TEAD4: variants seen among roughly 807,000 people sequenced by gnomAD.
TEAD4 encodes transcriptional enhancer factor TEF-3.
A neutral mutation model predicts 52.4 loss-of-function variants in TEAD4; 36 were observed. The observed-to-expected ratio is 0.69, with a 90% CI of 0.53 to 0.91. The LOEUF (loss-of-function observed/expected upper bound fraction) is 0.91. Ranked by LOEUF, TEAD4 falls within the 40% of genes least tolerant of loss-of-function variation. The probability of loss-of-function intolerance (pLI) is 0.00; values close to 1 mark genes in which losing one functional copy is unlikely to be tolerated. For missense variants in TEAD4, 508 were observed against 583.9 expected, an observed-to-expected ratio of 0.87 and a Z score of 1.34; for synonymous variants, 220 against 231.0, an observed-to-expected ratio of 0.95 and a Z score of 0.43.
chr12:2,968,377 C>T (rs756751802), intron 2 of TEAD4, among the ~76,000 whole-genome samples: 22 of 140,586 alleles, frequency 1.6e-4, no homozygotes, highest in Non-Finnish European at 3.1e-4. Context: ...TGAGCCACCG[C>T]GCCCGGCCTT....
chr12:3,013,477 G>A (rs2098262026), intron 5 of TEAD4, among the ~76,000 whole-genome samples: 1 of 152,052 alleles, frequency 6.6e-6, no homozygotes, highest in South Asian at 2.1e-4. Context: ...GGTGGCTCAC[G>A]CCTGTAAGCA....
chr12:2,962,666 C>T (rs1046980524), intron 2 of TEAD4, among the ~76,000 whole-genome samples: 11 of 151,936 alleles, frequency 7.2e-5, no homozygotes, highest in South Asian at 2.1e-4. Flanking sequence ...GGCGGGATTT[C>T]GCCATGTTTG....
chr12:3,033,644 G>A (rs767656278), intron 10 of TEAD4, among the ~76,000 whole-genome samples: 8 of 152,174 alleles, frequency 5.3e-5, no homozygotes, highest in African/African-American at 1.7e-4. Flanking sequence ...CCCCACACCC[G>A]GGCTGCGGCT....
chr12:2,960,518 C>G (rs910414776), intron 2 of TEAD4, among the ~76,000 whole-genome samples: 1 of 152,204 alleles, frequency 6.6e-6, no homozygotes, highest in South Asian at 2.1e-4. Context: ...ACATTTCCCC[C>G]GTTGTGCTGA....
intron 5 of TEAD4, among the ~76,000 whole-genome samples, chr12:3,013,312 C>T (rs1333406309): frequency 6.8e-6 from 1 of 147,952 alleles, no homozygotes; most frequent in African/African-American, 2.5e-5. Flanking sequence ...CTTCCCCCAA[C>T]AAAATATCAC....
chr12:2,983,805 C>G (rs1056261585), intron 2 of TEAD4, among the ~76,000 whole-genome samples: 2 of 152,220 alleles, frequency 1.3e-5, no homozygotes, highest in Non-Finnish European at 2.9e-5. Flanking sequence ...AATATCCCTT[C>G]GTTTGTTCAT....
chr12:2,987,470 T>A (rs1480217416), intron 2 of TEAD4, among the ~76,000 whole-genome samples: 2 of 151,996 alleles, frequency 1.3e-5, no homozygotes, highest in African/African-American at 2.4e-5. Flanking sequence ...AGTCTCACTC[T>A]TTCACCCAGG....
chr12:2,961,529 G>C (rs559775232), intron 2 of TEAD4, among the ~76,000 whole-genome samples: 2 of 152,242 alleles, frequency 1.3e-5, no homozygotes, highest in Non-Finnish European at 2.9e-5. Context: ...AGCACTGATG[G>C]AGTGGAAAGG....
chr12:3,018,981 A>G, intron 7 of TEAD4, 134 bp from the exon 8 acceptor site: 1 of 1,078,746 alleles, frequency 9.3e-7, no homozygotes, highest in Admixed American at 1.9e-5. Context: ...GGGCGGGAGT[A>G]GGAGGCCAAG....
chr12:2,974,484 T>C (rs2098227820), intron 2 of TEAD4, among the ~76,000 whole-genome samples: 1 of 152,208 alleles, frequency 6.6e-6, no homozygotes, highest in South Asian at 2.1e-4. Flanking sequence ...CTCAGAGCCA[T>C]GGCCCAGTCC....
chr12:3,016,203 T>A (rs1268561609), intron 5 of TEAD4, among the ~76,000 whole-genome samples: 2 of 151,992 alleles, frequency 1.3e-5, no homozygotes, highest in South Asian at 2.1e-4. Flanking sequence ...AATTTTTGTA[T>A]TTTTTGTAGA....
intron 10 of TEAD4, among the ~76,000 whole-genome samples, chr12:3,024,823 A>G (rs1363644501): frequency 1.3e-5 from 2 of 152,186 alleles, no homozygotes; most frequent in Non-Finnish European, 2.9e-5. Context: ...CAGAACCACC[A>G]TATAAAATTA....
chr12:3,031,915 A>G (rs1408521360), intron 10 of TEAD4, among the ~76,000 whole-genome samples: 3 of 151,922 alleles, frequency 2.0e-5, no homozygotes, highest in Non-Finnish European at 2.9e-5. Flanking sequence ...CCCTCCATGC[A>G]GCATCCTGGA....
chr12:3,005,436 G>C (rs1488790634), intron 3 of TEAD4, among the ~76,000 whole-genome samples: 1 of 152,108 alleles, frequency 6.6e-6, no homozygotes, highest in Admixed American at 6.6e-5. Flanking sequence ...TGGGACTACA[G>C]GCATGTGCTA....
chr12:3,022,245 G>A (rs1405726737), intron 10 of TEAD4, among the ~76,000 whole-genome samples: 2 of 152,230 alleles, frequency 1.3e-5, no homozygotes, highest in Non-Finnish European at 2.9e-5. Context: ...TTGTCTCACG[G>A]GTGGGGATGG....
At chr12:2,966,840 G>A (rs541814284) in intron 2 of TEAD4, among the ~76,000 whole-genome samples, 20 of 152,228 alleles carry the variant, frequency 1.3e-4, no homozygotes, top group Admixed American at 2.6e-4. Context: ...CTGAGTAGCT[G>A]GGATTACAGG....
intron 2 of TEAD4, among the ~76,000 whole-genome samples, chr12:2,981,176 C>T (rs2098233806): frequency 6.6e-6 from 1 of 152,226 alleles, no homozygotes; most frequent in African/African-American, 2.4e-5. Flanking sequence ...ACCTCTTTGA[C>T]ACTCAGCCCT....
rs578181611 is a variant in TEAD4 at position 3,012,679 on chromosome 12, G to T, written c.354+447G>T. ...CCTGCTTCCTGTCCTGTGGGACTGG[G>T]TGTTCCTTCCCTTCCCTGGGTCAGC... On this transcript the variant is annotated intron_variant, in intron 5 of 12. Coordinates refer to ENST00000359864, the MANE Select transcript of TEAD4 (RefSeq NM_003213.4). 2.0e-5 allele frequency among the ~76,000 whole-genome samples: 3 copies of T among 152,332 alleles called. No individual in the cohort carries two copies. In the South Asian group the frequency reaches 6.2e-4, roughly 32 times the overall value.
At chr12:2,962,831 G>A (rs778657660) in intron 2 of TEAD4, among the ~76,000 whole-genome samples, 6 of 152,166 alleles carry the variant, frequency 3.9e-5, no homozygotes, top group African/African-American at 7.2e-5. Context: ...GCTTAATGCC[G>A]CAACCCTGGT....
Sources: gnomAD v4.1 joint callset for allele counts (sites outside exome capture counted in the v4.1 genomes callset) on GRCh38, gnomAD v4.1.1 for gene constraint, MANE v1.5 for transcripts, NCBI Gene and HGNC (gene_info 2026-07-23, HGNC 2026-07-21) for gene names.